The following MFNG variants were observed in gnomAD, a reference collection of about 807,000 sequenced individuals.
MFNG encodes the protein beta-1,3-N-acetylglucosaminyltransferase manic fringe.
Under a neutral mutation model 34.2 loss-of-function variants are expected in MFNG, and 24 were observed. The observed-to-expected ratio is 0.70, with a 90% CI of 0.51 to 0.99. The LOEUF (loss-of-function observed/expected upper bound fraction) is 0.99, where lower values mean the gene tolerates loss of function less well. Ranked by LOEUF, MFNG falls within the 50% of genes least tolerant of loss-of-function variation. The probability of loss-of-function intolerance (pLI) is 0.00; values close to 1 mark genes in which losing one functional copy is unlikely to be tolerated. For missense variants in MFNG, 383 were observed against 424.0 expected (o/e 0.90, Z 0.85); for synonymous variants, 158 against 179.2 (o/e 0.88, Z 0.94).
chr22:37,477,950 G>A (rs1487511238), intron 4 of MFNG, among the ~76,000 whole-genome samples: 1 of 152,178 alleles, frequency 6.6e-6, no homozygotes, highest in African/African-American at 2.4e-5. Context: ...CCAGGAGGTG[G>A]CAGGGCTGCC....
intron 1 of MFNG, among the ~76,000 whole-genome samples, chr22:37,484,863 C>T (rs767137676): frequency 6.6e-6 from 1 of 152,196 alleles, no homozygotes; most frequent in Non-Finnish European, 1.5e-5. Flanking sequence ...AGGGCCTGGC[C>T]TCTGCCAGCC....
At chr22:37,479,272 C>A (rs1922174778) in intron 4 of MFNG, 73 bp downstream of exon 4, 1 of 1,460,840 alleles carries the variant, frequency 6.8e-7, no homozygotes, top group South Asian at 1.5e-5. Flanking sequence ...CTCTAGCACA[C>A]CCCCACCCCC....
chr22:37,480,593 A>AG, intron 2 of MFNG, 128 bp downstream of exon 2: 1 of 906,230 alleles, frequency 1.1e-6, no homozygotes, highest in Non-Finnish European at 1.7e-6. Flanking sequence ...TCCTGGGCAA[A>AG]GGGGAATCTC....
At position 37,474,798 on chromosome 22, in the gene MFNG, T is replaced by C. The variant is rs1387977312; in HGVS notation, c.648-121A>G. 5.6e-5 allele frequency: 62 copies of C among 1,097,992 alleles called. No individual in the cohort carries two copies. In the Middle Eastern group the frequency reaches 1.1e-3, roughly 19 times the overall value. 68.0% of individuals were successfully genotyped at this position (1,097,992 alleles called of 1,614,324 possible). A position where few individuals can be genotyped will look rare whatever the true frequency, so the allele number is the denominator to read the frequency against. ...CAGAACAGAGCACCTGCCTCCTGCATACTGTATGACCTTGAGCAAGTCAGG... is the reference window on the plus strand; with the variant it reads ...CAGAACAGAGCACCTGCCTCCTGCACACTGTATGACCTTGAGCAAGTCAGG... On this transcript the variant is annotated intron_variant, in intron 5 of 7. Coordinates refer to ENST00000356998, the MANE Select transcript of MFNG (RefSeq NM_002405.4).
intron 6 of MFNG, among the ~76,000 whole-genome samples, chr22:37,474,005 T>C (rs537894575): frequency 5.3e-5 from 8 of 152,126 alleles, no homozygotes; most frequent in Non-Finnish European, 1.2e-4. Flanking sequence ...CAGCCTAACA[T>C]AATGCTGAGC....
At chr22:37,474,999 T>C (rs527339748) in intron 5 of MFNG, among the ~76,000 whole-genome samples, 3 of 152,324 alleles carry the variant, frequency 2.0e-5, no homozygotes, top group East Asian at 1.9e-4. Flanking sequence ...CATTTATTCA[T>C]TGCTGGTGCC....
Position 37,485,361 on chromosome 22 carries a change from A to G in MFNG, c.255+562T>C, listed in dbSNP as rs924324450. On this transcript the variant is annotated intron_variant, in intron 1 of 7. Transcript: ENST00000356998. This position sits in a 1 kb window ranked among gnomAD's most constrained non-coding sequence, Gnocchi z 5.3. ...GCGGCCTCGGCACACCCGGGGCAGCAGAGACACAGCGGCAGGGGCTATCGG... is the reference window on the plus strand; with the variant it reads ...GCGGCCTCGGCACACCCGGGGCAGCGGAGACACAGCGGCAGGGGCTATCGG... Among the ~76,000 whole-genome samples the G allele has an allele frequency of 7.2e-5, 11 of 152,320 alleles. No homozygotes were observed. Among genetic ancestry groups the G allele is most frequent in the Admixed American group, 7.2e-4 (11 of 15,308 alleles).
Position 37,482,432 on chromosome 22 carries a change from CACACACACACGCACACACACGCACGCAT to C in MFNG, c.256-1691_256-1664del, listed in dbSNP as rs904890688. ...CTTCTCTCTCTGTCTCTCTCTCTCACACACACACACGCACACACACGCACGCATACACACACACACACACACACGCACG... is the reference window on the plus strand; with the variant it reads ...CTTCTCTCTCTGTCTCTCTCTCTCACACACACACACACACACACACGCACG... On this transcript the variant is annotated intron_variant, in intron 1 of 7. Transcript: ENST00000356998. This position sits in a 1 kb window ranked among gnomAD's most constrained non-coding sequence, Gnocchi z 4.1. 1.5e-5 allele frequency among the ~76,000 whole-genome samples: 2 copies of C among 129,354 alleles called. No homozygotes were observed. The highest frequency in any genetic ancestry group is 2.3e-4 in the South Asian group (1 of 4,346). The allele number at this position is 129,354 out of a possible 152,430, so 84.9% of individuals were successfully genotyped here. A position where few individuals can be genotyped will look rare whatever the true frequency, so the allele number is the denominator to read the frequency against.
rs41280027 is a variant in MFNG, at chr22:37,486,237, A to G, written c.-60T>C. 3.6e-5 allele frequency: 52 copies of G among 1,453,464 alleles called. No homozygotes were observed. The highest frequency in any genetic ancestry group is 4.7e-5 in the Non-Finnish European group (52 of 1,103,834). 90.0% of individuals were successfully genotyped at this position (1,453,464 alleles called of 1,614,324 possible). On this transcript the variant is annotated 5_prime_UTR_variant, in exon 1 of 8. Transcript: ENST00000356998. Reference sequence around the variant, plus strand: ...CAAATCCCAACCAGACAGGGAGGGGAAGCTGGTCAGGCAGGGGCTCCAGCA... The same window carrying G: ...CAAATCCCAACCAGACAGGGAGGGGGAGCTGGTCAGGCAGGGGCTCCAGCA...
chr22:37,474,145 C>A (rs1385808472), intron 6 of MFNG, among the ~76,000 whole-genome samples: 1 of 152,130 alleles, frequency 6.6e-6, no homozygotes, highest in Non-Finnish European at 1.5e-5. Flanking sequence ...AGCTGGGCTC[C>A]CCGGGAGGAA....
rs1922513653 is a variant in MFNG, at chr22:37,485,668, C to A, written c.255+255G>T. Among the ~76,000 whole-genome samples the A allele has an allele frequency of 6.6e-6, 1 of 152,164 alleles. No homozygotes were observed. The highest frequency in any genetic ancestry group is 1.5e-5 in the Non-Finnish European group (1 of 68,018). ...GGGACCCGGGAGCCTGGAGCAGGGG[C>A]CCAGCCTGGCCCCCAAAAGTGGTGG... is the stretch of plus-strand genomic sequence containing the variant. On this transcript the variant is annotated intron_variant, in intron 1 of 7. Transcript: ENST00000356998. This position sits in a 1 kb window ranked among gnomAD's most constrained non-coding sequence, Gnocchi z 5.3.
chr22:37,480,482 C>T (rs116958658), intron 2 of MFNG, among the ~76,000 whole-genome samples, 183 bp from the exon 3 acceptor site: 4 of 152,232 alleles, frequency 2.6e-5, no homozygotes, highest in African/African-American at 9.6e-5. Flanking sequence ...ACCTAGTGGA[C>T]AGCAGGCTGG....
rs1236701574 is a variant in MFNG, at chr22:37,476,951, C to T, written c.592G>A (p.Gly198Ser). 1.2e-6 allele frequency: 2 copies of T among 1,614,160 alleles called. No homozygotes were observed. The highest frequency in any genetic ancestry group is 3.3e-5 in the Admixed American group (2 of 60,028). Residue 198 changes from glycine (G) to serine (S), a missense_variant, in exon 5 of 8, where the codon GGT becomes AGT. By Grantham distance (56) the Gly-to-Ser change is moderately conservative. Transcript: ENST00000356998. ...TTGCGATTGATGCAGAAGCCAGCAC[C>T]CCCAGTGGCAAACCAGAACTGTACC... ...RLVQFWFATGGAGFCINRKLA... is the reference protein window; with the variant it reads ...RLVQFWFATGSAGFCINRKLA...
In MFNG at chr22:37,483,310, C is replaced by G. The variant is rs771745826; in HGVS notation, c.256-2541G>C. Among the ~76,000 whole-genome samples the G allele has an allele frequency of 3.9e-5, 6 of 152,158 alleles. No homozygotes were observed. Among genetic ancestry groups the G allele is most frequent in the Non-Finnish European group, 8.8e-5 (6 of 68,024 alleles). On this transcript the variant is annotated intron_variant, in intron 1 of 7. Coordinates refer to ENST00000356998, the MANE Select transcript of MFNG (RefSeq NM_002405.4). The surrounding 1 kb of genome is among the most constrained non-coding windows in gnomAD (Gnocchi z 4.5). Reference sequence around the variant, plus strand: ...CCTGCTTTGCTGCAGGCCCTCCTCCCTGGCCTCCCTGCTCCCTGCCTCCAC... The same window carrying G: ...CCTGCTTTGCTGCAGGCCCTCCTCCGTGGCCTCCCTGCTCCCTGCCTCCAC...
chr22:37,477,060 C>A, intron 4 of MFNG, 79 bp from the exon 5 acceptor site: 1 of 1,229,834 alleles, frequency 8.1e-7, no homozygotes, highest in African/African-American at 1.5e-5. Flanking sequence ...CCACCCTTCA[C>A]CCCCAACCAG....
At chr22:37,471,236 A>C (rs1315604683) in intron 7 of MFNG, among the ~76,000 whole-genome samples, 1 of 152,162 alleles carries the variant, frequency 6.6e-6, no homozygotes, top group African/African-American at 2.4e-5. Flanking sequence ...CTAAGTCTCC[A>C]AAGGCAGAAT....
intron 7 of MFNG, 138 bp downstream of exon 7, chr22:37,472,305 T>A: frequency 1.6e-6 from 1 of 643,704 alleles, no homozygotes; most frequent in Non-Finnish European, 2.6e-6. Flanking sequence ...GAAACTGAAA[T>A]CCACTCCCTC....
chr22:37,482,480 C>CAT lies in MFNG; in HGVS notation c.256-1712_256-1711insAT, dbSNP rs1491375453. 6.6e-6 allele frequency among the ~76,000 whole-genome samples: 1 copy of CAT among 151,968 alleles called. No homozygotes were observed. The highest frequency in any genetic ancestry group is 1.5e-5 in the Non-Finnish European group (1 of 67,968). The stretch of plus-strand genomic sequence containing the variant: ...ACGCATACACACACACACACACACA[C>CAT]GCACGTGCGCACGCCTCTGAGCCTC... On this transcript the variant is annotated intron_variant, in intron 1 of 7. Transcript: ENST00000356998. This position sits in a 1 kb window ranked among gnomAD's most constrained non-coding sequence, Gnocchi z 4.1.
intron 2 of MFNG, 93 bp from the exon 3 acceptor site, chr22:37,480,392 G>A (rs1392813501): frequency 2.0e-6 from 2 of 996,236 alleles, no homozygotes; most frequent in African/African-American, 1.6e-5. Context: ...GCAACAGGGA[G>A]TCTGGAGCAG....
Sources: gnomAD v4.1 joint callset for allele counts (sites outside exome capture counted in the v4.1 genomes callset) on GRCh38, gnomAD v4.1.1 for gene constraint, Gnocchi (gnomAD v3.1) non-coding constraint, MANE v1.5 for transcripts, NCBI Gene and HGNC (gene_info 2026-07-23, HGNC 2026-07-21) for gene names.